Variants in ICOS observed in about 807,000 individuals in gnomAD.
ICOS encodes inducible T-cell costimulator.
ICOS carries 15 observed loss-of-function variants against 24.6 expected under a neutral mutation model. The ratio of observed to expected loss-of-function variants is 0.61; its 90% CI spans 0.41 to 0.94. The LOEUF (loss-of-function observed/expected upper bound fraction) is 0.94, where lower values mean the gene tolerates loss of function less well. ICOS is among the 40% of genes least tolerant of loss of function. The pLI, the probability that ICOS is intolerant of heterozygous loss-of-function variation, is 0.00. For missense variants in ICOS, 200 were observed against 233.0 expected, an observed-to-expected ratio of 0.86 and a Z score of 0.92; for synonymous variants, 89 against 77.5, an observed-to-expected ratio of 1.15 and a Z score of -0.78.
chr2:203,953,638 T>A (rs1308627128), intron 1 of ICOS, among the ~76,000 whole-genome samples: 1 of 152,178 alleles, frequency 6.6e-6, no homozygotes, highest in Admixed American at 6.5e-5. Context: ...ATAATGCTAA[T>A]CCTGTTACAA....
chr2:203,955,686 G>C lies in ICOS; in HGVS notation c.109G>C (p.Gly37Arg), dbSNP rs539709751. The C allele has an allele frequency of 6.2e-7, 1 of 1,613,516 alleles. No individual in the cohort carries two copies. Among genetic ancestry groups the C allele is most frequent in the African/African-American group, 1.3e-5 (1 of 74,982 alleles). Reference sequence around the variant, plus strand: ...TGAGATGTTTATATTTCACAACGGAGGTGTACAAATTTTATGCAAATATCC... The same window carrying C: ...TGAGATGTTTATATTTCACAACGGACGTGTACAAATTTTATGCAAATATCC... The part of the protein sequence containing the change: ...NYEMFIFHNG[G>R]VQILCKYPDI... Residue 37 changes from glycine to arginine, a missense_variant, in exon 2 of 5, where the codon GGT becomes CGT. Coordinates refer to ENST00000316386, the MANE Select transcript of ICOS (RefSeq NM_012092.4).
Position 203,959,979 on chromosome 2 carries a change from C to G in ICOS, c.*380C>G. On this transcript the variant is annotated 3_prime_UTR_variant, in exon 5 of 5. Coordinates refer to ENST00000316386, the MANE Select transcript of ICOS (RefSeq NM_012092.4). Reference sequence around the variant, plus strand: ...GTACTGAATCTGCAAAGCAAATGAGCAGCCAAGGACCAGCATCTGTCCGCA... The same window carrying G: ...GTACTGAATCTGCAAAGCAAATGAGGAGCCAAGGACCAGCATCTGTCCGCA... The G allele has an allele frequency of 2.8e-6, 1 of 356,024 alleles. No individual in the cohort carries two copies. Among genetic ancestry groups the G allele is most frequent in the Non-Finnish European group, 5.4e-6 (1 of 184,078 alleles). 22.1% of individuals were successfully genotyped at this position (356,024 alleles called of 1,614,324 possible). A position where few individuals can be genotyped will look rare whatever the true frequency, so the allele number is the denominator to read the frequency against.
intron 1 of ICOS, among the ~76,000 whole-genome samples, chr2:203,941,586 G>C (rs1689776669): frequency 6.6e-6 from 1 of 152,094 alleles, no homozygotes; most frequent in African/African-American, 2.4e-5. Flanking sequence ...GACTTACTGG[G>C]CTTTGCAAAT....
At chr2:203,952,098 A>T (rs946156931) in intron 1 of ICOS, among the ~76,000 whole-genome samples, 3 of 152,242 alleles carry the variant, frequency 2.0e-5, no homozygotes, top group African/African-American at 7.2e-5. Flanking sequence ...GCTAAAGCAT[A>T]CTATCTTACC....
intron 1 of ICOS, among the ~76,000 whole-genome samples, chr2:203,948,431 T>G (rs1208694976): frequency 6.6e-6 from 1 of 152,206 alleles, no homozygotes; most frequent in Non-Finnish European, 1.5e-5. Context: ...GGCTCTTATA[T>G]TATAAATCCT....
chr2:203,950,937 G>A (rs757772825), intron 1 of ICOS, among the ~76,000 whole-genome samples: 5 of 152,118 alleles, frequency 3.3e-5, no homozygotes, highest in Non-Finnish European at 7.4e-5. Context: ...GCATGTGACT[G>A]TAGTCCCAGC....
rs1254587003 is a variant in ICOS, at chr2:203,955,725, C to A, written c.148C>A (p.Gln50Lys). The change falls in exon 2 of 5, where the codon CAA becomes AAA. Residue 50 changes from glutamine (Q) to lysine (K), a missense_variant. Coordinates refer to ENST00000316386, the MANE Select transcript of ICOS (RefSeq NM_012092.4). Reference sequence around the variant, plus strand: ...ATGCAAATATCCTGACATTGTCCAGCAATTTAAAATGCAGTTGCTGAAAGG... The same window carrying A: ...ATGCAAATATCCTGACATTGTCCAGAAATTTAAAATGCAGTTGCTGAAAGG... ...ILCKYPDIVQ[Q>K]FKMQLLKGGQ... is the part of the protein sequence containing the mutation. 1 of 1,613,470 alleles carries A rather than the reference C, an allele frequency of 6.2e-7. No individual in the cohort carries two copies. The highest frequency in any genetic ancestry group is 1.7e-5 in the Admixed American group (1 of 59,990).
chr2:203,949,920 A>T (rs1044809577), intron 1 of ICOS, among the ~76,000 whole-genome samples: 1 of 152,214 alleles, frequency 6.6e-6, no homozygotes, highest in African/African-American at 2.4e-5. Flanking sequence ...TGGAGAAAAG[A>T]TCCTAGATGC....
In ICOS at chr2:203,956,779, A is replaced by G; in HGVS notation, c.501+14A>G. On this transcript the variant is annotated intron_variant, in intron 3 of 4. Transcript: ENST00000316386. Reference sequence around the variant, plus strand: ...CTTACAAAAAAGGTAAGCGATTTCTATCTTTCCTTGTATCTGCTTTACAGA... The same window carrying G: ...CTTACAAAAAAGGTAAGCGATTTCTGTCTTTCCTTGTATCTGCTTTACAGA... 3.3e-6 allele frequency: 5 copies of G among 1,509,558 alleles called. No homozygotes were observed. Among genetic ancestry groups the G allele is most frequent in the Non-Finnish European group, 4.6e-6 (5 of 1,084,960 alleles). 93.5% of individuals were successfully genotyped at this position (1,509,558 alleles called of 1,614,324 possible).
At chr2:203,958,839 T>C (rs1282649329) in intron 4 of ICOS, among the ~76,000 whole-genome samples, 2 of 152,180 alleles carry the variant, frequency 1.3e-5, no homozygotes, top group Non-Finnish European at 2.9e-5. Flanking sequence ...AAAAAATATA[T>C]GATCTCTCAA....
At position 203,960,419 on chromosome 2, in the gene ICOS, T is replaced by C. The variant is rs1361542274; in HGVS notation, c.*820T>C. ...ATATTTTTGCTCCAGAAAGACATGT[T>C]CTTTTCTCAAATTCAGTTAAAATGG... On this transcript the variant is annotated 3_prime_UTR_variant, in exon 5 of 5. Transcript: ENST00000316386. The C allele has an allele frequency of 6.6e-6, 1 of 152,228 alleles. No homozygotes were observed. Among genetic ancestry groups the C allele is most frequent in the Non-Finnish European group, 1.5e-5 (1 of 68,034 alleles). The allele number at this position is 152,228 out of a possible 1,614,324, so 9.4% of individuals were successfully genotyped here. A position where few individuals can be genotyped will look rare whatever the true frequency, so the allele number is the denominator to read the frequency against.
chr2:203,941,057 A>G (rs993273700), intron 1 of ICOS, among the ~76,000 whole-genome samples: 4 of 150,442 alleles, frequency 2.7e-5, no homozygotes, highest in African/African-American at 9.7e-5. Flanking sequence ...CCGCCTCCCA[A>G]AGTGCTGGGA....
intron 1 of ICOS, among the ~76,000 whole-genome samples, chr2:203,938,248 G>A (rs1023306969): frequency 1.3e-5 from 2 of 152,244 alleles, no homozygotes; most frequent in African/African-American, 4.8e-5. Context: ...GTTCATTGAA[G>A]TCTTTCCTGT....
chr2:203,942,738 C>T (rs765860923), intron 1 of ICOS, among the ~76,000 whole-genome samples: 2 of 151,990 alleles, frequency 1.3e-5, no homozygotes, highest in African/African-American at 2.4e-5. Context: ...TTTTTTATTT[C>T]GTAGCAAATC....
At chr2:203,951,091 A>G (rs1689965749) in intron 1 of ICOS, among the ~76,000 whole-genome samples, 1 of 152,078 alleles carries the variant, frequency 6.6e-6, no homozygotes, top group Non-Finnish European at 1.5e-5. Context: ...TCCAATAGAA[A>G]TGACACTCTG....
In ICOS at chr2:203,959,574, T is replaced by G. The variant is rs1434971991; in HGVS notation, c.587-12T>G. 3 of 1,612,408 alleles carry G rather than the reference T, an allele frequency of 1.9e-6. No individual in the cohort carries two copies. Among genetic ancestry groups the G allele is most frequent in the Non-Finnish European group, 2.5e-6 (3 of 1,178,606 alleles). ...GAGCATTTAGATAATTTATGCTGAA[T>G]TTTTGTTACAGATGTGACCCTATAA... is the stretch of plus-strand genomic sequence containing the variant. On this transcript the variant is annotated splice_polypyrimidine_tract_variant and intron_variant, in intron 4 of 4. Transcript: ENST00000316386.
In ICOS at chr2:203,956,586, C is replaced by T. The variant is rs530617811; in HGVS notation, c.395-73C>T. 628 of 997,550 alleles carry T rather than the reference C, an allele frequency of 6.3e-4. 8 individuals are homozygous for T. The South Asian group carries it at 7.7e-3, about 12-fold the overall frequency. 61.8% of individuals were successfully genotyped at this position (997,550 alleles called of 1,614,324 possible). A position where few individuals can be genotyped will look rare whatever the true frequency, so the allele number is the denominator to read the frequency against. On this transcript the variant is annotated intron_variant, in intron 2 of 4. Coordinates refer to ENST00000316386, the MANE Select transcript of ICOS (RefSeq NM_012092.4). ...AGAAAAGCTTCATTTGATTAAATAG[C>T]TCTTTTAAATTTGGTAAGAGAACTT...
At chr2:203,958,759 TGGTTCCCTAGACA>T (rs1414957785) in intron 4 of ICOS, among the ~76,000 whole-genome samples, 3 of 145,930 alleles carry the variant, frequency 2.1e-5, no homozygotes, top group Admixed American at 6.9e-5. Flanking sequence ...GTGACTCTTT[TGGTTCCCTAGACA>T]GTTAATACCT....
At chr2:203,958,743 T>C (rs1290313608) in intron 4 of ICOS, among the ~76,000 whole-genome samples, 1 of 151,572 alleles carries the variant, frequency 6.6e-6, no homozygotes, top group African/African-American at 2.4e-5. Flanking sequence ...ATGCTCAAAG[T>C]GTTCAGTGAC....
Sources: allele counts gnomAD v4.1 joint callset (sites outside exome capture counted in the v4.1 genomes callset), GRCh38; gene constraint gnomAD v4.1.1; transcripts MANE v1.5; gene names NCBI Gene and HGNC (gene_info 2026-07-23, HGNC 2026-07-21).